Variants in LIG1 observed in about 807,000 individuals in gnomAD.
LIG1 encodes DNA ligase 1.
Under a neutral mutation model 115.7 loss-of-function variants are expected in LIG1, and 70 were observed. The ratio of observed to expected loss-of-function variants is 0.60; its 90% CI spans 0.50 to 0.74. LIG1 has a LOEUF of 0.74. Ranked by LOEUF, LIG1 falls within the 30% of genes least tolerant of loss-of-function variation. The pLI is 0.00. For synonymous variants in LIG1, 487 were observed against 495.3 expected (o/e 0.98, Z 0.22); for missense variants, 1,115 against 1,225.6 (o/e 0.91, Z 1.35).
In LIG1 at chr19:48,153,924, T is replaced by G; in HGVS notation, c.414A>C (p.Glu138Asp). 1 of 1,613,420 alleles carries G rather than the reference T, an allele frequency of 6.2e-7. No homozygotes were observed. The highest frequency in any genetic ancestry group is 1.1e-5 in the South Asian group (1 of 90,898). Residue 138 changes from glutamate to aspartate, a missense_variant, in exon 6 of 28, where the codon GAA becomes GAC. Physicochemically the swap from Glu to Asp is conservative, Grantham distance 45. Transcript: ENST00000263274. ...LPKRTIQEVL[E>D]EQSEDEDREA... is the part of the protein sequence containing the mutation. ...CTCTGTCCTCGTCCTCACTCTGCTCTTCCAGGACTTCCTGAATGGTCCGTT... is the reference window on the plus strand; with the variant it reads ...CTCTGTCCTCGTCCTCACTCTGCTCGTCCAGGACTTCCTGAATGGTCCGTT...
intron 9 of LIG1, 151 bp downstream of exon 9, chr19:48,149,612 T>G (rs758232012): frequency 1.4e-6 from 1 of 692,224 alleles, no homozygotes; most frequent in Non-Finnish European, 2.6e-6. Context: ...ATGTGTCCCA[T>G]AAAGCCTAAA....
chr19:48,123,932 TG>T (rs767901771), intron 21 of LIG1, among the ~76,000 whole-genome samples: 16 of 152,200 alleles, frequency 1.1e-4, no homozygotes, highest in Non-Finnish European at 2.1e-4. Context: ...TTTACAGTTT[TG>T]TGTTTTGCTT....
intron 1 of LIG1, 121 bp from the exon 2 acceptor site, chr19:48,165,744 A>G: frequency 1.3e-6 from 1 of 793,904 alleles, no homozygotes; most frequent in Middle Eastern, 2.3e-4. Context: ...TTCCCCTTCA[A>G]AAAGAAACTC....
chr19:48,157,022 C>T lies in LIG1; in HGVS notation c.362G>A (p.Arg121His), dbSNP rs377155700. Residue 121 changes from arginine to histidine, a missense_variant, in exon 5 of 28, where the codon CGT becomes CAT. Physicochemically the swap from Arg to His is conservative, Grantham distance 29. Transcript: ENST00000263274. ...GGCCCGTGTGTTCTCACCTGTGCGA[C>T]GCTTCGGAATCCCTGATGGGGAACT... Reference protein sequence around the residue: ...MDSSPSGIPKRRTARKQLPKR... With the variant: ...MDSSPSGIPKHRTARKQLPKR... The T allele has an allele frequency of 1.8e-5, 28 of 1,596,208 alleles. No individual in the cohort carries two copies. The highest frequency in any genetic ancestry group is 2.7e-5 in the African/African-American group (2 of 73,440).
rs548179490 is a variant in LIG1 at position 48,115,737 on chromosome 19, G to A, written c.2677-5C>T. 14 of 1,612,068 alleles carry A rather than the reference G, an allele frequency of 8.7e-6. No homozygotes were observed. The Admixed American group carries it at 1.0e-4, about 12-fold the overall frequency. ...CTTCCGGTACAAACAGGCCACCTGCGGAGAGAGGGTGGGACGGGGTGGTCA... is the reference window on the plus strand; with the variant it reads ...CTTCCGGTACAAACAGGCCACCTGCAGAGAGAGGGTGGGACGGGGTGGTCA... On this transcript the variant is annotated splice_polypyrimidine_tract_variant and splice_region_variant and intron_variant, in intron 27 of 27. Transcript: ENST00000263274.
intron 18 of LIG1, 67 bp from the exon 19 acceptor site, chr19:48,131,238 T>G (rs1321536684): frequency 1.8e-6 from 2 of 1,137,510 alleles, no homozygotes; most frequent in African/African-American, 3.0e-5. Flanking sequence ...CTTTCTCTTC[T>G]GACCCCACCT....
rs1454338478 is a variant in LIG1, at chr19:48,115,539, T to C, written c.*110A>G. ...CTCACACACACACCCCTCCCCTGAC[T>C]CTCAAAATCCACAGCCTGCCACAGC... On this transcript the variant is annotated 3_prime_UTR_variant, in exon 28 of 28. Transcript: ENST00000263274. The C allele has an allele frequency of 1.2e-6, 1 of 806,016 alleles. No homozygotes were observed. The highest frequency in any genetic ancestry group is 2.1e-6 in the Non-Finnish European group (1 of 473,582). 49.9% of individuals were successfully genotyped at this position (806,016 alleles called of 1,614,324 possible).
chr19:48,125,127 A>G (rs1024657972), intron 21 of LIG1, among the ~76,000 whole-genome samples: 1 of 152,226 alleles, frequency 6.6e-6, no homozygotes, highest in Non-Finnish European at 1.5e-5. Context: ...AAAATTTGTA[A>G]AAGTAATAGC....
intron 21 of LIG1, among the ~76,000 whole-genome samples, chr19:48,126,343 C>T (rs980480202): frequency 2.6e-5 from 4 of 152,126 alleles, no homozygotes; most frequent in Admixed American, 6.5e-5. Flanking sequence ...TGGTGGTTCA[C>T]GCCTGTAATC....
chr19:48,119,883 C>A (rs1173281077), intron 24 of LIG1, among the ~76,000 whole-genome samples: 1 of 152,128 alleles, frequency 6.6e-6, no homozygotes, highest in Non-Finnish European at 1.5e-5. Flanking sequence ...CTTTCACCTA[C>A]CAAAATAGGA....
intron 7 of LIG1, 34 bp downstream of exon 7, chr19:48,151,198 T>A (rs761863421): frequency 7.4e-7 from 1 of 1,343,548 alleles, no homozygotes; most frequent in Non-Finnish European, 1.1e-6. Flanking sequence ...AATCAGGAGG[T>A]GGGGCAGGGC....
rs1375308384 is a variant in LIG1, at chr19:48,143,917, G to C, written c.823C>G (p.Pro275Ala). The change falls in exon 10 of 28, where the codon CCC becomes GCC. Residue 275 changes from proline (P) to alanine (A), a missense_variant. Coordinates refer to ENST00000263274, the MANE Select transcript of LIG1 (RefSeq NM_000234.3). ...GGTTTCCAGCAGGCATCTTCCACGGGATGATAGTTGTTCTTGGCAGGATTG... is the reference window on the plus strand; with the variant it reads ...GGTTTCCAGCAGGCATCTTCCACGGCATGATAGTTGTTCTTGGCAGGATTG... Reference protein sequence around the residue: ...GYNPAKNNYHPVEDACWKPGQ... With the variant: ...GYNPAKNNYHAVEDACWKPGQ... The C allele has an allele frequency of 6.2e-7, 1 of 1,614,086 alleles. No homozygotes were observed. Among genetic ancestry groups the C allele is most frequent in the Admixed American group, 1.7e-5 (1 of 60,000 alleles).
At chr19:48,167,180 A>G (rs1895010178) in intron 1 of LIG1, among the ~76,000 whole-genome samples, 2 of 150,818 alleles carry the variant, frequency 1.3e-5, no homozygotes. Context: ...TAAATTTTCT[A>G]TATCTTTAAT....
intron 18 of LIG1, among the ~76,000 whole-genome samples, chr19:48,132,232 G>A (rs552672141): frequency 3.9e-5 from 6 of 152,202 alleles, no homozygotes; most frequent in Admixed American, 1.3e-4. Context: ...CTATCCCCAG[G>A]TGAGAAGGCC....
intron 4 of LIG1, 80 bp from the exon 5 acceptor site, chr19:48,157,220 T>C: frequency 7.3e-6 from 10 of 1,373,768 alleles, no homozygotes; most frequent in Non-Finnish European, 8.0e-6. Flanking sequence ...TAGAGGGGAC[T>C]GAAACCTCTC....
rs1468747288 is a variant in LIG1, at chr19:48,153,151, T to A, written c.466+721A>T. 2.1e-5 allele frequency among the ~76,000 whole-genome samples: 3 copies of A among 140,164 alleles called. No individual in the cohort carries two copies. In the East Asian group the frequency reaches 6.2e-4, roughly 29 times the overall value. The allele number at this position is 140,164 out of a possible 152,430, so 92.0% of individuals were successfully genotyped here. On this transcript the variant is annotated intron_variant, in intron 6 of 27. Coordinates refer to ENST00000263274, the MANE Select transcript of LIG1 (RefSeq NM_000234.3). ...TGGAGACTGCAGTGAGCCCAAACTGTGCCACTGCACTGTAGCCTGAGCGAC... is the reference window on the plus strand; with the variant it reads ...TGGAGACTGCAGTGAGCCCAAACTGAGCCACTGCACTGTAGCCTGAGCGAC...
At chr19:48,168,403 C>T (rs911488051) in intron 1 of LIG1, among the ~76,000 whole-genome samples, 6 of 152,192 alleles carry the variant, frequency 3.9e-5, no homozygotes, top group Non-Finnish European at 7.3e-5. Flanking sequence ...CCAAAGCCCA[C>T]GTTCCTTTCT....
Position 48,151,232 on chromosome 19 carries a change from T to A in LIG1, c.574A>T (p.Lys192Ter). The A allele has an allele frequency of 6.2e-7, 1 of 1,606,866 alleles. No homozygotes were observed. Among genetic ancestry groups the A allele is most frequent in the East Asian group, 2.2e-5 (1 of 44,836 alleles). ...GCGGAGGAGAGGACCAGAAACTCACTGGAGGTCTTTAGGGGCTTGGGAGGC... is the reference window on the plus strand; with the variant it reads ...GCGGAGGAGAGGACCAGAAACTCACAGGAGGTCTTTAGGGGCTTGGGAGGC... ...TTPPKPLKTS[K>*]AETPTESVSE... The change falls in exon 7 of 28, where the codon AAA (lysine) becomes TAA (stop). Residue 192 changes from lysine (K) to a stop codon, truncating the protein, a stop_gained and splice_region_variant. Coordinates refer to ENST00000263274, the MANE Select transcript of LIG1 (RefSeq NM_000234.3). LOFTEE classifies it high-confidence loss of function.
chr19:48,160,647 G>A (rs868298336), intron 4 of LIG1, among the ~76,000 whole-genome samples: 5 of 152,220 alleles, frequency 3.3e-5, no homozygotes, highest in African/African-American at 7.2e-5. Flanking sequence ...ACTTAAACAG[G>A]GGAAGAGAGT....
Sources: allele counts gnomAD v4.1 joint callset (sites outside exome capture counted in the v4.1 genomes callset), GRCh38; gene constraint gnomAD v4.1.1; transcripts MANE v1.5; gene names NCBI Gene and HGNC (gene_info 2026-07-23, HGNC 2026-07-21).